NDUFB6: variants seen among roughly 807,000 people sequenced by gnomAD.
NDUFB6 encodes NADH dehydrogenase [ubiquinone] 1 beta subcomplex subunit 6.
In NDUFB6, 23 loss-of-function variants were observed where a neutral mutation model predicts 17.5. The observed-to-expected ratio is 1.31, with a 90% confidence interval of 0.94 to 1.86. NDUFB6 has a LOEUF of 1.86. Ranked by LOEUF, NDUFB6 falls within the 40% of genes most tolerant of loss-of-function variation. The pLI, the probability that NDUFB6 is intolerant of heterozygous loss-of-function variation, is 0.00. For synonymous variants in NDUFB6, 60 were observed against 53.5 expected (o/e 1.12, Z -0.53); for missense variants, 167 against 153.8 (o/e 1.09, Z -0.46).
chr9:32,573,159 C>G lies in NDUFB6; in HGVS notation c.-99G>C, dbSNP rs1375550300. 3.2e-6 allele frequency: 4 copies of G among 1,250,916 alleles called. No homozygotes were observed. The highest frequency in any genetic ancestry group is 2.9e-4 in the Middle Eastern group (1 of 3,404). The allele number at this position is 1,250,916 out of a possible 1,614,324, so 77.5% of individuals were successfully genotyped here. On this transcript the variant is annotated 5_prime_UTR_variant, in exon 1 of 4. Coordinates refer to ENST00000379847, the MANE Select transcript of NDUFB6 (RefSeq NM_002493.5). ...GCTCTGCAAAGCGACCTTGCGGGAA[C>G]GCCGAGCGCCGCGCGCGGTTATTAC...
chr9:32,559,170 G>A (rs555664320), intron 2 of NDUFB6, among the ~76,000 whole-genome samples: 1 of 152,074 alleles, frequency 6.6e-6, no homozygotes, highest in Admixed American at 6.5e-5. Context: ...TCCCCAAACT[G>A]TTCCTCCCCA....
chr9:32,566,043 G>T (rs1821776833), intron 2 of NDUFB6: 1 of 359,934 alleles, frequency 2.8e-6, no homozygotes, highest in Admixed American at 4.1e-5. Flanking sequence ...ATTTTTTAAG[G>T]TTTTTTCCAG....
intron 2 of NDUFB6, chr9:32,567,319 A>G: frequency 2.1e-6 from 1 of 469,886 alleles, no homozygotes; most frequent in Non-Finnish European, 4.4e-6. Context: ...TCTCTGTGCC[A>G]TATTTTGGTA....
In NDUFB6 at chr9:32,571,023, A is replaced by G; in HGVS notation, c.210T>C (p.Phe70=). 6.2e-7 allele frequency: 1 copy of G among 1,606,066 alleles called. No homozygotes were observed. The highest frequency in any genetic ancestry group is 8.5e-7 in the Non-Finnish European group (1 of 1,175,288). ...MVHGVYKKSI[F]VFTHVLVPVW... ...CAGGTACAAGTACATGAGTGAAAAC[A>G]AAGATACTCTTTTTGTATACCCCAT... The change falls in exon 2 of 4, where the codon TTT becomes TTC. Residue 70 remains phenylalanine, a synonymous_variant. Coordinates refer to ENST00000379847, the MANE Select transcript of NDUFB6 (RefSeq NM_002493.5).
At chr9:32,563,830 A>G (rs991705687) in intron 2 of NDUFB6, among the ~76,000 whole-genome samples, 1 of 152,146 alleles carries the variant, frequency 6.6e-6, no homozygotes, top group Admixed American at 6.5e-5. Flanking sequence ...TACTATCATT[A>G]TTTACTTTGA....
At position 32,558,902 on chromosome 9, in the gene NDUFB6, A is replaced by C. The variant is rs767430552; in HGVS notation, c.318+8T>G. ...AACAAAAGAAAAATCAGAAGTGTTA[A>C]GACTTACAGGGAATATTCTGGACTT... On this transcript the variant is annotated splice_region_variant and intron_variant, in intron 3 of 3. Transcript: ENST00000379847. The C allele has an allele frequency of 1.3e-6, 2 of 1,553,350 alleles. No homozygotes were observed. The highest frequency in any genetic ancestry group is 2.7e-5 in the African/African-American group (2 of 73,866).
At chr9:32,565,123 T>C (rs1166786810) in intron 2 of NDUFB6, among the ~76,000 whole-genome samples, 1 of 151,994 alleles carries the variant, frequency 6.6e-6, no homozygotes, top group Non-Finnish European at 1.5e-5. Context: ...CAAAACCTCA[T>C]CTCTGCTAAA....
intron 2 of NDUFB6, among the ~76,000 whole-genome samples, chr9:32,561,119 TC>T (rs1174622177): frequency 6.6e-6 from 1 of 152,216 alleles, no homozygotes; most frequent in Non-Finnish European, 1.5e-5. Context: ...TACAAACTAT[TC>T]TCTCACCCTT....
chr9:32,562,854 T>A (rs1821664129), intron 2 of NDUFB6, among the ~76,000 whole-genome samples: 1 of 152,222 alleles, frequency 6.6e-6, no homozygotes, highest in Non-Finnish European at 1.5e-5. Context: ...GCAGGCTCTT[T>A]AAAATTCTGA....
intron 2 of NDUFB6, chr9:32,567,132 A>T (rs1821819947): frequency 2.1e-6 from 1 of 479,306 alleles, no homozygotes; most frequent in Non-Finnish European, 4.3e-6. Context: ...AGCACTGCAG[A>T]TGTACTCAAC....
intron 1 of NDUFB6, among the ~76,000 whole-genome samples, chr9:32,571,360 AAT>A (rs1347735418): frequency 6.6e-6 from 1 of 152,238 alleles, no homozygotes; most frequent in Non-Finnish European, 1.5e-5. Flanking sequence ...TTAAAGATAA[AAT>A]ATAGCAAAAT....
intron 2 of NDUFB6, among the ~76,000 whole-genome samples, chr9:32,569,170 C>T (rs1821887159): frequency 6.6e-6 from 1 of 152,186 alleles, no homozygotes; most frequent in South Asian, 2.1e-4. Context: ...CATACATAGT[C>T]ACTAAGGCTC....
At position 32,558,911 on chromosome 9, in the gene NDUFB6, G is replaced by C. The variant is rs1410270009; in HGVS notation, c.317C>G (p.Pro106Arg). The C allele has an allele frequency of 6.4e-7, 1 of 1,573,618 alleles. No individual in the cohort carries two copies. The highest frequency in any genetic ancestry group is 8.7e-7 in the Non-Finnish European group (1 of 1,147,688). ...GIVEKKSRIF[P>R]GDTILETGEV... is the part of the protein sequence containing the mutation. ...AAAATCAGAAGTGTTAAGACTTACA[G>C]GGAATATTCTGGACTTCTTTTCAAC... The change falls in exon 3 of 4, where the codon CCT (proline) becomes CGT (arginine). Residue 106 changes from proline to arginine, a missense_variant and splice_region_variant. Transcript: ENST00000379847.
At chr9:32,568,748 A>ATATATATATATTTTTT (rs1213123923) in intron 2 of NDUFB6, 2 of 114,400 alleles carry the variant, frequency 1.7e-5, no homozygotes, top group Non-Finnish European at 3.4e-5. Flanking sequence ...ATATATATAT[A>ATATATATATATTTTTT]TTTTTTTTTT....
At position 32,567,423 on chromosome 9, in the gene NDUFB6, G is replaced by T. The variant is rs553862466; in HGVS notation, c.273+3537C>A. On this transcript the variant is annotated intron_variant, in intron 2 of 3. Coordinates refer to ENST00000379847, the MANE Select transcript of NDUFB6 (RefSeq NM_002493.5). ...GGCTCACTGCAACCTCCTTCTCCCAGGTTCAAGGGATTCTCCTGCCTCAGC... is the reference window on the plus strand; with the variant it reads ...GGCTCACTGCAACCTCCTTCTCCCATGTTCAAGGGATTCTCCTGCCTCAGC... 5.4e-5 allele frequency: 25 copies of T among 458,832 alleles called. No individual in the cohort carries two copies. In the East Asian group the frequency reaches 1.6e-3, roughly 29 times the overall value. 28.4% of individuals were successfully genotyped at this position (458,832 alleles called of 1,614,324 possible).
Position 32,557,937 on chromosome 9 carries a change from T to C in NDUFB6, c.318+973A>G, listed in dbSNP as rs146996410. On this transcript the variant is annotated intron_variant, in intron 3 of 3. Coordinates refer to ENST00000379847, the MANE Select transcript of NDUFB6 (RefSeq NM_002493.5). ...CTTTTGTTATTTAAATTGTGTACTT[T>C]TGAGTTATGATAGTTCATTATCTGT... Among the ~76,000 whole-genome samples the C allele has an allele frequency of 2.1e-3, 324 of 152,316 alleles. 2 individuals are homozygous for C. The highest frequency in any genetic ancestry group is 0.014 in the Middle Eastern group (4 of 294).
chr9:32,570,863 T>C, intron 2 of NDUFB6, 97 bp downstream of exon 2: 1 of 706,892 alleles, frequency 1.4e-6, no homozygotes, highest in Non-Finnish European at 2.2e-6. Flanking sequence ...AATCTGTTTA[T>C]AAGTGGCAGA....
intron 2 of NDUFB6, among the ~76,000 whole-genome samples, chr9:32,570,159 C>T (rs184115408): frequency 2.0e-5 from 3 of 152,290 alleles, no homozygotes; most frequent in African/African-American, 7.2e-5. Flanking sequence ...TGCCTCATAC[C>T]ATCCTTCTTC....
At chr9:32,571,094 T>A (rs753296996) in intron 1 of NDUFB6, 42 bp from the exon 2 acceptor site, 2 of 1,376,336 alleles carry the variant, frequency 1.5e-6, no homozygotes, top group East Asian at 4.7e-5. Context: ...ATATCCCATT[T>A]TTTATATTTA....
Sources: allele counts gnomAD v4.1 joint callset (sites outside exome capture counted in the v4.1 genomes callset), GRCh38; gene constraint gnomAD v4.1.1; transcripts MANE v1.5; gene names NCBI Gene and HGNC (gene_info 2026-07-23, HGNC 2026-07-21).